The following TBC1D5 variants were observed in gnomAD, a reference collection of about 807,000 sequenced individuals.
TBC1D5 encodes the protein TBC1 domain family, member 5.
TBC1D5 carries 75 observed loss-of-function variants against 100.3 expected under a neutral mutation model. That is an observed-to-expected ratio of 0.75 (90% CI 0.62 to 0.91). TBC1D5 has a LOEUF of 0.91. TBC1D5 is among the 40% of genes least tolerant of loss of function. The pLI is 0.00. For synonymous variants in TBC1D5, 323 were observed against 325.6 expected (o/e 0.99, Z 0.09); for missense variants, 910 against 942.4 (o/e 0.97, Z 0.45).
intron 1 of TBC1D5, among the ~76,000 whole-genome samples, chr3:17,705,329 TG>T (rs2073952410): frequency 1.2e-5 from 1 of 84,600 alleles, no homozygotes; most frequent in Non-Finnish European, 2.4e-5. Flanking sequence ...ATGGGGCGGC[TG>T]GCCGGGCTGG....
intron 3 of TBC1D5, among the ~76,000 whole-genome samples, chr3:17,446,126 G>A (rs1464857348): frequency 6.6e-6 from 1 of 152,064 alleles, no homozygotes; most frequent in Non-Finnish European, 1.5e-5. Flanking sequence ...AAGGATGACT[G>A]CCCATCTCTC....
At chr3:17,359,228 C>T (rs955566395) in intron 13 of TBC1D5, among the ~76,000 whole-genome samples, 4 of 152,020 alleles carry the variant, frequency 2.6e-5, no homozygotes, top group Non-Finnish European at 4.4e-5. Context: ...GAATTTTTAT[C>T]TTTTATCCTT....
rs1278800350 is a variant in TBC1D5, at chr3:17,584,127, C to T, written c.-36+39722G>A. Among the ~76,000 whole-genome samples the T allele has an allele frequency of 2.0e-5, 3 of 152,266 alleles. No homozygotes were observed. In the East Asian group the frequency reaches 5.8e-4, roughly 29 times the overall value. On this transcript the variant is annotated intron_variant, in intron 2 of 21. Transcript: ENST00000253692. ...TATGATTACATTCATATTAAATATA[C>T]AGAACACATTAAATCCATAGAGACA...
In TBC1D5 at chr3:17,570,411, C is replaced by T. The variant is rs186129183; in HGVS notation, c.-36+53438G>A. 6.3e-4 allele frequency among the ~76,000 whole-genome samples: 95 copies of T among 151,964 alleles called. No homozygotes were observed. The South Asian group carries it at 8.9e-3, about 14-fold the overall frequency. ...CTCACAGATTAAGTAACTTGCCTAACGTCACACAACTATAACTCAGATCTC... is the reference window on the plus strand; with the variant it reads ...CTCACAGATTAAGTAACTTGCCTAATGTCACACAACTATAACTCAGATCTC... On this transcript the variant is annotated intron_variant, in intron 2 of 21. Transcript: ENST00000253692.
intron 17 of TBC1D5, among the ~76,000 whole-genome samples, chr3:17,214,660 G>A (rs1016065258): frequency 6.7e-6 from 1 of 149,660 alleles, no homozygotes; most frequent in African/African-American, 2.5e-5. Flanking sequence ...AAAAATCAAA[G>A]TTTCAGTAAA....
chr3:17,590,361 G>C (rs907604917), intron 2 of TBC1D5, among the ~76,000 whole-genome samples: 1 of 152,112 alleles, frequency 6.6e-6, no homozygotes, highest in Admixed American at 6.6e-5. Context: ...AGGTTCTAGT[G>C]GTTTATTTGC....
At chr3:17,207,199 AAAGATAT>A (rs1324338272) in intron 18 of TBC1D5, among the ~76,000 whole-genome samples, 2 of 152,190 alleles carry the variant, frequency 1.3e-5, no homozygotes, top group East Asian at 1.9e-4. Flanking sequence ...TAACCTTAGC[AAAGATAT>A]TCTTAGAAAA....
At chr3:17,245,067 C>G (rs2149178101) in intron 16 of TBC1D5, among the ~76,000 whole-genome samples, 1 of 149,708 alleles carries the variant, frequency 6.7e-6, no homozygotes, top group Non-Finnish European at 1.5e-5. Flanking sequence ...GTGGTGTGCA[C>G]CTGTAGTCCC....
intron 15 of TBC1D5, among the ~76,000 whole-genome samples, chr3:17,279,643 C>G (rs375469905): frequency 6.6e-6 from 1 of 152,158 alleles, no homozygotes; most frequent in African/African-American, 2.4e-5. Context: ...GTCTAGGCTT[C>G]TGGTTTTTTT....
intron 2 of TBC1D5, among the ~76,000 whole-genome samples, chr3:17,595,527 A>T (rs2060506426): frequency 1.3e-5 from 2 of 152,204 alleles, no homozygotes; most frequent in Non-Finnish European, 2.9e-5. Context: ...GCTGAATAAG[A>T]GTTACCATTT....
At position 17,415,818 on chromosome 3, in the gene TBC1D5, C is replaced by A. The variant is rs185516010; in HGVS notation, c.168-9292G>T. ...CCTCTATAATTAATAAGGAAAAAAT[C>A]CTCTCCCTGCAGACCTTTCCTACCT... On this transcript the variant is annotated intron_variant, in intron 4 of 21. Transcript: ENST00000253692. Among the ~76,000 whole-genome samples the A allele has an allele frequency of 1.0e-3, 153 of 152,142 alleles. 2 individuals carry two copies. In the South Asian group the frequency reaches 0.018, roughly 18 times the overall value.
At chr3:17,421,093 C>CA (rs1044788236) in intron 4 of TBC1D5, among the ~76,000 whole-genome samples, 6 of 152,002 alleles carry the variant, frequency 3.9e-5, no homozygotes, top group Non-Finnish European at 8.8e-5. Flanking sequence ...TAGAGGGTAA[C>CA]ATTTTTTCAA....
chr3:17,220,243 T>G (rs1205797533), intron 17 of TBC1D5, among the ~76,000 whole-genome samples: 1 of 152,152 alleles, frequency 6.6e-6, no homozygotes, highest in Non-Finnish European at 1.5e-5. Context: ...CAAATTGCCT[T>G]AAGATTTTAA....
At chr3:17,722,764 T>C (rs572568860) in intron 1 of TBC1D5, among the ~76,000 whole-genome samples, 1 of 152,340 alleles carries the variant, frequency 6.6e-6, no homozygotes, top group African/African-American at 2.4e-5. Context: ...TACTAAGTGG[T>C]GGAGCCAGAT....
intron 15 of TBC1D5, among the ~76,000 whole-genome samples, chr3:17,282,598 C>T (rs1325272457): frequency 6.6e-6 from 1 of 152,198 alleles, no homozygotes; most frequent in Non-Finnish European, 1.5e-5. Flanking sequence ...TCTTCTAAAA[C>T]ATGCCGAGCA....
At chr3:17,655,007 T>C (rs1377919083) in intron 1 of TBC1D5, among the ~76,000 whole-genome samples, 2 of 151,582 alleles carry the variant, frequency 1.3e-5, no homozygotes, top group Non-Finnish European at 2.9e-5. Flanking sequence ...AGTGGTGATA[T>C]CCCCTTTATC....
At chr3:17,336,159 A>C (rs1367909888) in intron 13 of TBC1D5, among the ~76,000 whole-genome samples, 2 of 152,212 alleles carry the variant, frequency 1.3e-5, no homozygotes, top group African/African-American at 2.4e-5. Context: ...GGGCCAGAGA[A>C]GCCAAAGATA....
intron 2 of TBC1D5, among the ~76,000 whole-genome samples, chr3:17,613,099 T>C (rs144482298): frequency 2.6e-5 from 4 of 152,292 alleles, no homozygotes; most frequent in East Asian, 1.9e-4. Flanking sequence ...AGTGTTCTCA[T>C]TGTTCAATTC....
At chr3:17,568,318 A>G (rs999566597) in intron 2 of TBC1D5, among the ~76,000 whole-genome samples, 1 of 151,520 alleles carries the variant, frequency 6.6e-6, no homozygotes, top group African/African-American at 2.4e-5. Context: ...TTATAACCAT[A>G]AAGACTAACT....
Sources: allele counts gnomAD v4.1 joint callset (sites outside exome capture counted in the v4.1 genomes callset), GRCh38; gene constraint gnomAD v4.1.1; transcripts MANE v1.5; gene names NCBI Gene and HGNC (gene_info 2026-07-23, HGNC 2026-07-21).